SAMD3: variants seen among roughly 807,000 people sequenced by gnomAD.
The protein encoded by SAMD3 is sterile alpha motif domain-containing protein 3.
In SAMD3, 63 loss-of-function variants were observed where a neutral mutation model predicts 58.5. That is an observed-to-expected ratio of 1.08 (90% CI 0.88 to 1.33). SAMD3 has a LOEUF of 1.33. Ranked by LOEUF, SAMD3 falls within the 40% of genes most tolerant of loss-of-function variation. The probability of loss-of-function intolerance (pLI) is 0.00; values close to 1 mark genes in which losing one functional copy is unlikely to be tolerated. For missense variants in SAMD3, 604 were observed against 608.4 expected (o/e 0.99, Z 0.08); for synonymous variants, 220 against 210.3 (o/e 1.05, Z -0.40).
At chr6:130,340,285 G>A (rs114311686) in intron 1 of SAMD3, among the ~76,000 whole-genome samples, 2,244 of 152,262 alleles carry the variant, frequency 0.015, 53 homozygotes, top group African/African-American at 0.051. Context: ...GGCTCTAGGG[G>A]AGAATCTGTT....
intron 9 of SAMD3, among the ~76,000 whole-genome samples, chr6:130,152,907 A>T (rs1163904313): frequency 6.6e-6 from 1 of 152,140 alleles, no homozygotes; most frequent in Non-Finnish European, 1.5e-5. Context: ...CCTCCACCTT[A>T]CTGTCACCAA....
chr6:130,235,259 T>C (rs1001307425), intron 2 of SAMD3, among the ~76,000 whole-genome samples: 23 of 152,384 alleles, frequency 1.5e-4, no homozygotes, highest in African/African-American at 5.0e-4. Context: ...CTGGTAGAAC[T>C]AAATCATATT....
chr6:130,187,305 C>T (rs979690826), intron 5 of SAMD3, among the ~76,000 whole-genome samples: 2 of 151,964 alleles, frequency 1.3e-5, no homozygotes, highest in Non-Finnish European at 2.9e-5. Context: ...TACATACTTT[C>T]CCTCCTTTTT....
intron 2 of SAMD3, among the ~76,000 whole-genome samples, chr6:130,290,559 C>T (rs192157546): frequency 2.6e-5 from 4 of 152,230 alleles, no homozygotes; most frequent in Non-Finnish European, 4.4e-5. Flanking sequence ...CTAGTTGACA[C>T]GTAAAATTAA....
intron 1 of SAMD3, among the ~76,000 whole-genome samples, chr6:130,329,474 A>C (rs1776860363): frequency 6.6e-6 from 1 of 152,166 alleles, no homozygotes. Flanking sequence ...GTAGGAGTGT[A>C]AATTATTTCA....
chr6:130,148,039 T>C (rs745455877), intron 9 of SAMD3, among the ~76,000 whole-genome samples: 5 of 152,204 alleles, frequency 3.3e-5, no homozygotes, highest in South Asian at 2.1e-4. Flanking sequence ...AATTAATATA[T>C]GTTGTATTTT....
intron 11 of SAMD3, among the ~76,000 whole-genome samples, chr6:130,145,119 C>T (rs1788497798): frequency 6.6e-6 from 1 of 152,018 alleles, no homozygotes; most frequent in South Asian, 2.1e-4. Context: ...ATTAGCTGGG[C>T]GTGGTGGTGC....
intron 7 of SAMD3, among the ~76,000 whole-genome samples, chr6:130,178,374 G>C (rs563828093): frequency 6.6e-6 from 1 of 151,164 alleles, no homozygotes; most frequent in East Asian, 1.9e-4. Context: ...CAGTGAGTGC[G>C]GGGAAGGGAA....
rs150651423 is a variant in SAMD3, at chr6:130,279,634, G to A, written c.-188+33344C>T. On this transcript the variant is annotated intron_variant, in intron 2 of 13. Transcript: ENST00000368134. ...CAAAAAGCTGGGATTACAGGCACCT[G>A]CCAGCAGGCCTGGCTAATTTTTGTA... Among the ~76,000 whole-genome samples, 1,073 of 151,938 alleles carry A rather than the reference G, an allele frequency of 7.1e-3. 11 individuals are homozygous for A. Among genetic ancestry groups the A allele is most frequent in the Middle Eastern group, 0.017 (5 of 288 alleles).
At chr6:130,162,128 G>A in intron 8 of SAMD3, 1 of 610,630 alleles carries the variant, frequency 1.6e-6, no homozygotes, top group Non-Finnish European at 2.9e-6. Context: ...ATTGTATAAA[G>A]AGCGTATGCT....
chr6:130,206,557 T>G (rs1384946134), intron 5 of SAMD3, among the ~76,000 whole-genome samples: 3 of 152,188 alleles, frequency 2.0e-5, no homozygotes, highest in Non-Finnish European at 4.4e-5. Context: ...GTCTTTACTG[T>G]GAGTGGATTT....
At chr6:130,232,213 C>T (rs921719138) in intron 2 of SAMD3, among the ~76,000 whole-genome samples, 19 of 151,952 alleles carry the variant, frequency 1.3e-4, no homozygotes, top group Admixed American at 4.6e-4. Context: ...GGCCATGGTG[C>T]CCAGGATAGG....
chr6:130,189,894 G>T (rs1028173569), intron 5 of SAMD3, among the ~76,000 whole-genome samples: 2 of 152,220 alleles, frequency 1.3e-5, no homozygotes, highest in African/African-American at 2.4e-5. Flanking sequence ...CTTTGATGAG[G>T]TTCCCTTTTC....
intron 1 of SAMD3, among the ~76,000 whole-genome samples, chr6:130,329,258 T>G (rs1187578207): frequency 8.0e-5 from 8 of 99,866 alleles, no homozygotes; most frequent in African/African-American, 6.1e-4. Flanking sequence ...AATCAATGAA[T>G]CTCAAAAAAA....
intron 2 of SAMD3, among the ~76,000 whole-genome samples, chr6:130,265,780 A>G (rs1274786042): frequency 6.6e-6 from 1 of 150,746 alleles, no homozygotes; most frequent in Non-Finnish European, 1.5e-5. Flanking sequence ...GAAAAAAAAG[A>G]GGTGCCCAAA....
chr6:130,245,170 A>G (rs935486324), intron 2 of SAMD3, among the ~76,000 whole-genome samples: 3 of 152,202 alleles, frequency 2.0e-5, no homozygotes, highest in African/African-American at 7.2e-5. Flanking sequence ...TTCTATAAGA[A>G]CTAAAGTTGT....
At chr6:130,279,393 C>T (rs1774902195) in intron 2 of SAMD3, among the ~76,000 whole-genome samples, 1 of 151,836 alleles carries the variant, frequency 6.6e-6, no homozygotes, top group African/African-American at 2.4e-5. Context: ...GGCACTCATT[C>T]TCTCTCCTGC....
At chr6:130,243,920 T>C (rs1362713731) in intron 2 of SAMD3, among the ~76,000 whole-genome samples, 1 of 152,228 alleles carries the variant, frequency 6.6e-6, no homozygotes, top group African/African-American at 2.4e-5. Flanking sequence ...TGAATATATA[T>C]GTCTGCAACT....
intron 8 of SAMD3, among the ~76,000 whole-genome samples, chr6:130,174,695 T>C (rs1308061745): frequency 2.6e-5 from 4 of 152,226 alleles, no homozygotes; most frequent in Non-Finnish European, 5.9e-5. Context: ...AATTTTAGTT[T>C]GTAATTGGAA....
Sources: gnomAD v4.1 joint callset for allele counts (sites outside exome capture counted in the v4.1 genomes callset) on GRCh38, gnomAD v4.1.1 for gene constraint, MANE v1.5 for transcripts, NCBI Gene and HGNC (gene_info 2026-07-23, HGNC 2026-07-21) for gene names.